Variants in PLCH1 observed in about 807,000 individuals in gnomAD.
The protein encoded by PLCH1 is 1-phosphatidylinositol 4,5-bisphosphate phosphodiesterase eta-1.
PLCH1 carries 60 observed loss-of-function variants against 126.7 expected under a neutral mutation model. The observed-to-expected ratio is 0.47, with a 90% CI of 0.38 to 0.59. The LOEUF (loss-of-function observed/expected upper bound fraction) is 0.59, where lower values mean the gene tolerates loss of function less well. Ranked by LOEUF, PLCH1 falls within the 20% of genes least tolerant of loss-of-function variation. The pLI is 0.00. For missense variants in PLCH1, 1,723 were observed against 2,040.0 expected (o/e 0.84, Z 2.99); for synonymous variants, 719 against 734.9 (o/e 0.98, Z 0.35).
intron 1 of PLCH1, chr3:155,743,124 T>G: frequency 3.3e-6 from 1 of 305,650 alleles, no homozygotes; most frequent in South Asian, 2.5e-5. Context: ...CTACCGCTCC[T>G]TCTACATACC....
At chr3:155,569,896 C>A (rs1728977901) in intron 6 of PLCH1, among the ~76,000 whole-genome samples, 1 of 152,174 alleles carries the variant, frequency 6.6e-6, no homozygotes, top group African/African-American at 2.4e-5. Context: ...ATGGAGCTAA[C>A]TGCAGGTGAG....
rs149744412 is a variant in PLCH1 at position 155,636,584 on chromosome 3, T to C, written c.80-40206A>G. Among the ~76,000 whole-genome samples, 978 of 152,016 alleles carry C rather than the reference T, an allele frequency of 6.4e-3. 15 individuals are homozygous for C. Among genetic ancestry groups the C allele is most frequent in the African/African-American group, 0.022 (925 of 41,436 alleles). On this transcript the variant is annotated intron_variant, in intron 2 of 22. Coordinates refer to ENST00000460012, the MANE Select transcript of PLCH1 (RefSeq NM_014996.4). The stretch of plus-strand genomic sequence containing the variant: ...TAACATGGAGAAACCCCGTTTCTAC[T>C]AAAAATACAAAAAAATAGCTGGGTG...
At chr3:155,656,303 A>T (rs1051498318) in intron 2 of PLCH1, among the ~76,000 whole-genome samples, 1 of 152,222 alleles carries the variant, frequency 6.6e-6, no homozygotes, top group Non-Finnish European at 1.5e-5. Flanking sequence ...AAAAAGAAGC[A>T]TAAACTGCTA....
At chr3:155,546,014 CAT>C (rs1484046481) in intron 10 of PLCH1, among the ~76,000 whole-genome samples, 3 of 151,940 alleles carry the variant, frequency 2.0e-5, no homozygotes, top group South Asian at 4.2e-4. Context: ...TCCTATTCAA[CAT>C]AGTGTTGGAA....
chr3:155,487,229 G>A (rs950798333), intron 21 of PLCH1: 1 of 152,188 alleles, frequency 6.6e-6, no homozygotes, highest in African/African-American at 2.4e-5. Flanking sequence ...CTAAGGATAA[G>A]ATATATATTT....
chr3:155,712,853 CTACTT>C (rs1439078985), intron 1 of PLCH1, among the ~76,000 whole-genome samples: 1 of 151,670 alleles, frequency 6.6e-6, no homozygotes, highest in Non-Finnish European at 1.5e-5. Context: ...CTCTTTCTCT[CTACTT>C]TATCACCACC....
intron 10 of PLCH1, among the ~76,000 whole-genome samples, chr3:155,542,518 G>A (rs576848929): frequency 1.7e-4 from 26 of 152,276 alleles, no homozygotes; most frequent in African/African-American, 6.3e-4. Context: ...CCGTCTGACA[G>A]CTTTGAAGAG....
chr3:155,639,104 A>C (rs1739078718), intron 2 of PLCH1, among the ~76,000 whole-genome samples: 1 of 152,190 alleles, frequency 6.6e-6, no homozygotes, highest in South Asian at 2.1e-4. Context: ...TAAATGAAAA[A>C]AATTGACAAG....
intron 2 of PLCH1, among the ~76,000 whole-genome samples, chr3:155,674,208 G>A (rs1577299178): frequency 6.6e-6 from 1 of 152,108 alleles, no homozygotes; most frequent in East Asian, 1.9e-4. Flanking sequence ...ACTAAGATGA[G>A]CTTTAGTGCA....
At chr3:155,631,084 A>G (rs1452375219) in intron 2 of PLCH1, among the ~76,000 whole-genome samples, 1 of 152,232 alleles carries the variant, frequency 6.6e-6, no homozygotes, top group African/African-American at 2.4e-5. Context: ...CAAATTTATT[A>G]TTAAAAATCA....
Position 155,511,836 on chromosome 3 carries a change from C to T in PLCH1, c.1632+2887G>A, listed in dbSNP as rs370148040. 1.3e-4 allele frequency among the ~76,000 whole-genome samples: 19 copies of T among 151,868 alleles called. No homozygotes were observed. In the East Asian group the frequency reaches 2.3e-3, roughly 19 times the overall value. ...CTGTGCCCTGCCCCCAGAGGTGGAG[C>T]CTACAGAGGCAGGCAGGCCTCCTTG... is the stretch of plus-strand genomic sequence containing the variant. On this transcript the variant is annotated intron_variant, in intron 12 of 22. Transcript: ENST00000460012.
At chr3:155,485,920 C>A in intron 21 of PLCH1, 4 of 600,734 alleles carry the variant, frequency 6.7e-6, no homozygotes, top group Non-Finnish European at 1.2e-5. Context: ...CTTCAGCCTT[C>A]CATTCTTACA....
chr3:155,655,019 C>T (rs1741188980), intron 2 of PLCH1, among the ~76,000 whole-genome samples: 1 of 152,308 alleles, frequency 6.6e-6, no homozygotes, highest in East Asian at 1.9e-4. Flanking sequence ...AGGGCCTTTG[C>T]ACTTGCTCTG....
intron 1 of PLCH1, among the ~76,000 whole-genome samples, chr3:155,706,163 A>T: frequency 9.3e-6 from 1 of 107,866 alleles, no homozygotes; most frequent in African/African-American, 3.9e-5. Context: ...ACAGAACAAG[A>T]CTCTATCTCA....
At chr3:155,693,723 A>C (rs1745586457) in intron 2 of PLCH1, among the ~76,000 whole-genome samples, 1 of 152,272 alleles carries the variant, frequency 6.6e-6, no homozygotes, top group Non-Finnish European at 1.5e-5. Context: ...TGGGGTCATG[A>C]GTTCGAGACC....
chr3:155,490,272 T>G (rs1035817790), intron 19 of PLCH1, among the ~76,000 whole-genome samples: 4 of 152,168 alleles, frequency 2.6e-5, no homozygotes, highest in Non-Finnish European at 2.9e-5. Context: ...AAAGAAAAAT[T>G]TCTTTATATT....
chr3:155,590,610 C>T (rs1402791037), intron 4 of PLCH1, among the ~76,000 whole-genome samples: 4 of 148,622 alleles, frequency 2.7e-5, no homozygotes, highest in African/African-American at 1.0e-4. Flanking sequence ...ATTAGCCTGG[C>T]GTGGTGGCGG....
At chr3:155,625,247 A>G (rs987790050) in intron 2 of PLCH1, among the ~76,000 whole-genome samples, 10 of 152,248 alleles carry the variant, frequency 6.6e-5, no homozygotes, top group Non-Finnish European at 1.5e-4. Context: ...TTAACTCAAG[A>G]TGGATTAAAG....
In PLCH1 at chr3:155,481,163, G is replaced by A. The variant is rs757885582; in HGVS notation, c.4863C>T (p.His1621=). 3.7e-6 allele frequency: 6 copies of A among 1,614,122 alleles called. No individual in the cohort carries two copies. In the African/African-American group the frequency reaches 8.0e-5, roughly 22 times the overall value. Reference sequence around the variant, plus strand: ...AGCCTGCGATGTAGGAGCCGGTGGAGTGGCGATTCACTGCAGGGGTGGGTG... The same window carrying A: ...AGCCTGCGATGTAGGAGCCGGTGGAATGGCGATTCACTGCAGGGGTGGGTG... ...PSAPTPAVNR[H]STGSYIAGYL... is the part of the protein sequence containing the mutation. The change falls in exon 23 of 23, where the codon CAC becomes CAT. Residue 1621 remains histidine (H), a synonymous_variant. Coordinates refer to ENST00000460012, the MANE Select transcript of PLCH1 (RefSeq NM_014996.4). The surrounding 1 kb of genome is among the most constrained non-coding windows in gnomAD (Gnocchi z 4.2).
Sources: gnomAD v4.1 joint callset for allele counts (sites outside exome capture counted in the v4.1 genomes callset) on GRCh38, gnomAD v4.1.1 for gene constraint, Gnocchi (gnomAD v3.1) non-coding constraint, MANE v1.5 for transcripts, NCBI Gene and HGNC (gene_info 2026-07-23, HGNC 2026-07-21) for gene names.